Variants in DAD1 observed in about 807,000 individuals in gnomAD.
The protein encoded by DAD1 is defender against cell death 1, also known as dolichyl-diphosphooligosaccharide--protein glycosyltransferase subunit DAD1.
DAD1 carries 4 observed loss-of-function variants against 9.0 expected under a neutral mutation model. The ratio of observed to expected loss-of-function variants is 0.44; its 90% CI spans 0.22 to 1.01. DAD1 has a LOEUF of 1.01. DAD1 is among the 50% of genes least tolerant of loss of function. The probability of loss-of-function intolerance (pLI) is 0.24; values close to 1 mark genes in which losing one functional copy is unlikely to be tolerated. For synonymous variants in DAD1, 60 were observed against 62.5 expected, an observed-to-expected ratio of 0.96 and a Z score of 0.19; for missense variants, 119 against 137.3, an observed-to-expected ratio of 0.87 and a Z score of 0.67.
At chr14:22,586,927 T>C (rs914217694) in intron 1 of DAD1, among the ~76,000 whole-genome samples, 5 of 152,228 alleles carry the variant, frequency 3.3e-5, no homozygotes, top group Non-Finnish European at 5.9e-5. Context: ...TTCATTTCTA[T>C]AGCTCTATTA....
chr14:22,570,507 C>CA (rs1164643500), intron 2 of DAD1, among the ~76,000 whole-genome samples: 9 of 152,146 alleles, frequency 5.9e-5, no homozygotes, highest in Non-Finnish European at 1.2e-4. Flanking sequence ...CTTCTTCCCC[C>CA]AAACTCAACT....
intron 1 of DAD1, among the ~76,000 whole-genome samples, chr14:22,577,312 T>C (rs919112704): frequency 2.0e-5 from 3 of 152,118 alleles, no homozygotes; most frequent in African/African-American, 7.2e-5. Context: ...TAGGCGCCTG[T>C]AATCCCAGCT....
intron 1 of DAD1, among the ~76,000 whole-genome samples, chr14:22,576,242 A>G (rs2037077158): frequency 6.6e-6 from 1 of 152,234 alleles, no homozygotes; most frequent in Non-Finnish European, 1.5e-5. Context: ...TTAAAAATAC[A>G]TTTACTACAG....
intron 1 of DAD1, among the ~76,000 whole-genome samples, chr14:22,582,027 C>T (rs185373370): frequency 1.2e-4 from 18 of 150,980 alleles, no homozygotes; most frequent in African/African-American, 3.9e-4. Context: ...AAGGTGAAAC[C>T]CCATCTCTAC....
chr14:22,575,842 C>A (rs542592907), intron 1 of DAD1, among the ~76,000 whole-genome samples: 1 of 152,066 alleles, frequency 6.6e-6, no homozygotes, highest in African/African-American at 2.4e-5. Context: ...CCACCGTGCC[C>A]GGACAAAACT....
rs569381657 is a variant in DAD1, at chr14:22,582,121, C to T, written c.211+6826G>A. On this transcript the variant is annotated intron_variant, in intron 1 of 2. Coordinates refer to ENST00000250498, the MANE Select transcript of DAD1 (RefSeq NM_001344.4). ...ACTAGGGAGGCTGAGGCAGAAGAATCGCTTGAACTCCAAGGGCGGAGGTTG... is the reference window on the plus strand; with the variant it reads ...ACTAGGGAGGCTGAGGCAGAAGAATTGCTTGAACTCCAAGGGCGGAGGTTG... 1.1e-4 allele frequency among the ~76,000 whole-genome samples: 16 copies of T among 150,800 alleles called. No homozygotes were observed. In the South Asian group the frequency reaches 1.5e-3, roughly 14 times the overall value.
At chr14:22,583,306 G>A (rs2037130680) in intron 1 of DAD1, among the ~76,000 whole-genome samples, 1 of 152,128 alleles carries the variant, frequency 6.6e-6, no homozygotes, top group Non-Finnish European at 1.5e-5. Flanking sequence ...GAAGCGCCCA[G>A]CACAAAACAG....
At chr14:22,570,246 C>G (rs2037029393) in intron 2 of DAD1, among the ~76,000 whole-genome samples, 1 of 152,106 alleles carries the variant, frequency 6.6e-6, no homozygotes, top group Non-Finnish European at 1.5e-5. Context: ...AAGAAGCTCT[C>G]AAACTAAGGA....
chr14:22,582,728 G>A (rs562828445), intron 1 of DAD1, among the ~76,000 whole-genome samples: 36 of 151,846 alleles, frequency 2.4e-4, no homozygotes, highest in African/African-American at 7.5e-4. Context: ...ACAACCGGCC[G>A]GGCATGGCGG....
At chr14:22,584,807 C>T (rs1311094576) in intron 1 of DAD1, among the ~76,000 whole-genome samples, 1 of 152,192 alleles carries the variant, frequency 6.6e-6, no homozygotes, top group Non-Finnish European at 1.5e-5. Context: ...TTGGGAAACA[C>T]AAATTGTACA....
rs77654288 is a variant in DAD1, at chr14:22,574,355, C to T, written c.*44+704G>A. 2.8e-3 allele frequency among the ~76,000 whole-genome samples: 424 copies of T among 152,118 alleles called. 10 individuals are homozygous for T. The South Asian group carries it at 0.044, about 16-fold the overall frequency. ...TGGGAGGGAGCGATTTAGGGGAGGG[C>T]GTACCATATGTGATGAAGGCCAAGC... On this transcript the variant is annotated intron_variant, in intron 2 of 2. Coordinates refer to ENST00000250498, the MANE Select transcript of DAD1 (RefSeq NM_001344.4).
Position 22,585,738 on chromosome 14 carries a change from T to G in DAD1, c.211+3209A>C, listed in dbSNP as rs188626956. ...GTTTTTTAAAGGTTTGGTAGCGTTC[T>G]GAATTGGTTTAAAATGTACTGGTCA... On this transcript the variant is annotated intron_variant, in intron 1 of 2. Coordinates refer to ENST00000250498, the MANE Select transcript of DAD1 (RefSeq NM_001344.4). 4.1e-4 allele frequency among the ~76,000 whole-genome samples: 62 copies of G among 152,340 alleles called. No individual in the cohort carries two copies. The Middle Eastern group carries it at 0.014, about 33-fold the overall frequency.
rs2037173710 is a variant in DAD1 at position 22,589,047 on chromosome 14, G to A, written c.111C>T (p.Thr37=). The A allele has an allele frequency of 6.2e-7, 1 of 1,614,046 alleles. No individual in the cohort carries two copies. Among genetic ancestry groups the A allele is most frequent in the Admixed American group, 1.7e-5 (1 of 60,006 alleles). Residue 37 remains threonine, a synonymous_variant, in exon 1 of 3, where the codon ACC becomes ACT. Transcript: ENST00000250498. ...LDAYLLYILL[T]GALQFGYCLL... is the part of the protein sequence containing the mutation. ...GACAGTAACCGAACTGCAGCGCCCC[G>A]GTCAGCAGTATATACAGCAGGTACG...
At chr14:22,566,911 A>G (rs1324214644) in intron 2 of DAD1, among the ~76,000 whole-genome samples, 2 of 152,224 alleles carry the variant, frequency 1.3e-5, no homozygotes, top group Non-Finnish European at 2.9e-5. Context: ...TCTATTTACC[A>G]GACACTATTC....
At chr14:22,574,586 T>C (rs2037064267) in intron 2 of DAD1, among the ~76,000 whole-genome samples, 1 of 152,218 alleles carries the variant, frequency 6.6e-6, no homozygotes, top group Admixed American at 6.5e-5. Flanking sequence ...TCCCCATTTA[T>C]TTCTACTTTA....
At chr14:22,576,713 A>G (rs964275797) in intron 1 of DAD1, among the ~76,000 whole-genome samples, 3 of 152,232 alleles carry the variant, frequency 2.0e-5, no homozygotes, top group African/African-American at 7.2e-5. Flanking sequence ...AATATTTGCA[A>G]ATCACTTATC....
intron 1 of DAD1, among the ~76,000 whole-genome samples, chr14:22,577,914 A>T (rs1594882647): frequency 1.3e-5 from 2 of 152,346 alleles, no homozygotes; most frequent in South Asian, 4.1e-4. Flanking sequence ...ACACTTAAAA[A>T]TGGTTAAAAT....
At chr14:22,588,797 T>G (rs2037171527) in intron 1 of DAD1, 150 bp downstream of exon 1, 6 of 816,400 alleles carry the variant, frequency 7.3e-6, no homozygotes, top group South Asian at 5.5e-5. Context: ...CTAAGCTTTC[T>G]GAGCCTCAAT....
At chr14:22,571,812 T>TAA (rs1333921718) in intron 2 of DAD1, among the ~76,000 whole-genome samples, 24 of 152,116 alleles carry the variant, frequency 1.6e-4, no homozygotes, top group Non-Finnish European at 8.8e-5. Flanking sequence ...GTCTTTTTAG[T>TAA]AGAGACGAGG....
Sources: allele counts gnomAD v4.1 joint callset (sites outside exome capture counted in the v4.1 genomes callset), GRCh38; gene constraint gnomAD v4.1.1; transcripts MANE v1.5; gene names NCBI Gene and HGNC (gene_info 2026-07-23, HGNC 2026-07-21).